Variants in PCDH15 observed in about 807,000 individuals in gnomAD.
PCDH15 encodes the protein protocadherin related 15, also known as protocadherin-15.
PCDH15 carries 129 observed loss-of-function variants against 178.5 expected under a neutral mutation model. The ratio of observed to expected loss-of-function variants is 0.72; its 90% CI spans 0.63 to 0.84. The LOEUF is 0.84. Ranked by LOEUF, PCDH15 falls within the 40% of genes least tolerant of loss-of-function variation. The pLI is 0.00. For missense variants in PCDH15, 2,230 were observed against 2,099.9 expected (o/e 1.06, Z -1.21); for synonymous variants, 800 against 732.0 (o/e 1.09, Z -1.50).
At chr10:54,135,192 G>A (rs2042801910) in intron 14 of PCDH15, among the ~76,000 whole-genome samples, 5 of 139,454 alleles carry the variant, frequency 3.6e-5, no homozygotes, top group Admixed American at 2.8e-4. Flanking sequence ...GACAGGGCGA[G>A]ACTCTGTCTC....
intron 2 of PCDH15, among the ~76,000 whole-genome samples, chr10:55,556,017 C>T (rs1036897754): frequency 2.0e-5 from 3 of 152,118 alleles, no homozygotes; most frequent in African/African-American, 7.2e-5. Flanking sequence ...TTGCATATTT[C>T]AAACTTCTTT....
chr10:55,083,572 G>C (rs1189880800), intron 2 of PCDH15, among the ~76,000 whole-genome samples: 1 of 151,714 alleles, frequency 6.6e-6, no homozygotes, highest in African/African-American at 2.4e-5. Context: ...AGTGTAATCA[G>C]ACAAGAGAAA....
chr10:55,158,877 G>C (rs1250592165), intron 2 of PCDH15, among the ~76,000 whole-genome samples: 1 of 62,912 alleles, frequency 1.6e-5, no homozygotes, highest in Non-Finnish European at 5.4e-5. Flanking sequence ...GGGAGAGAGG[G>C]AGGGAGAAGA....
At chr10:54,466,690 C>T (rs2077541264) in intron 3 of PCDH15, among the ~76,000 whole-genome samples, 1 of 151,662 alleles carries the variant, frequency 6.6e-6, no homozygotes, top group Admixed American at 6.6e-5. Context: ...AAATATTTTT[C>T]TATTTTTGTA....
At chr10:55,373,854 G>GA (rs1320726455) in intron 2 of PCDH15, among the ~76,000 whole-genome samples, 1 of 148,680 alleles carries the variant, frequency 6.7e-6, no homozygotes, top group Non-Finnish European at 1.5e-5. Context: ...CGCAGGAACA[G>GA]AAAAGCAAAC....
intron 9 of PCDH15, among the ~76,000 whole-genome samples, chr10:54,218,100 A>C (rs2052317544): frequency 6.6e-6 from 1 of 152,320 alleles, no homozygotes; most frequent in Admixed American, 6.5e-5. Context: ...AAAATAAGAA[A>C]ACAGAGCATG....
intron 14 of PCDH15, among the ~76,000 whole-genome samples, chr10:54,135,968 A>G (rs898197621): frequency 6.6e-6 from 1 of 152,202 alleles, no homozygotes; most frequent in Non-Finnish European, 1.5e-5. Context: ...AACTTATTTT[A>G]ATAAATTACT....
chr10:54,871,239 A>G (rs1043426958), intron 3 of PCDH15, among the ~76,000 whole-genome samples: 2 of 152,176 alleles, frequency 1.3e-5, no homozygotes, highest in African/African-American at 2.4e-5. Flanking sequence ...TCTGCCTGAC[A>G]ATAAGGAAAA....
intron 29 of PCDH15, among the ~76,000 whole-genome samples, chr10:53,837,755 A>G (rs1406336100): frequency 2.0e-5 from 3 of 151,760 alleles, no homozygotes; most frequent in Non-Finnish European, 4.4e-5. Flanking sequence ...TGGAAAACAC[A>G]CACACACACA....
chr10:55,466,699 A>G lies in PCDH15; in HGVS notation c.-156+160926T>C, dbSNP rs189019735. Among the ~76,000 whole-genome samples the G allele has an allele frequency of 2.0e-3, 304 of 152,308 alleles. 2 individuals are homozygous for G. Among genetic ancestry groups the G allele is most frequent in the African/African-American group, 7.0e-3 (292 of 41,576 alleles). On this transcript the variant is annotated intron_variant, in intron 2 of 5. Coordinates refer to the PCDH15 transcript ENST00000613346. ...TGACTTGAAAATCACTCACATAGAG[A>G]TGACCATGGAAGATACAGGAAGGAA...
chr10:54,731,553 T>TATATATATATATATATATATATAG (rs1566067279), intron 1 of PCDH15, among the ~76,000 whole-genome samples: 7 of 40,360 alleles, frequency 1.7e-4, no homozygotes, highest in Admixed American at 4.6e-4. Flanking sequence ...TAGATATATA[T>TATATATATATATATATATATATAG]ATATATATAT....
intron 2 of PCDH15, among the ~76,000 whole-genome samples, chr10:55,161,233 G>A (rs575384217): frequency 6.6e-6 from 1 of 152,266 alleles, no homozygotes; most frequent in Admixed American, 6.5e-5. Flanking sequence ...CTCCTCTACT[G>A]CTACAAATTT....
At chr10:55,186,265 C>A (rs1839797220) in intron 1 of PCDH15, among the ~76,000 whole-genome samples, 1 of 151,100 alleles carries the variant, frequency 6.6e-6, no homozygotes, top group Non-Finnish European at 1.5e-5. Context: ...TTATTCCACT[C>A]TATGTTTTTT....
At chr10:54,555,457 C>T (rs1483734134) in intron 2 of PCDH15, among the ~76,000 whole-genome samples, 1 of 151,920 alleles carries the variant, frequency 6.6e-6, no homozygotes. Context: ...TTCAGCAGGG[C>T]ACGGTGGCTC....
At chr10:54,225,528 G>C (rs902150184) in intron 9 of PCDH15, among the ~76,000 whole-genome samples, 1 of 151,968 alleles carries the variant, frequency 6.6e-6, no homozygotes, top group Non-Finnish European at 1.5e-5. Context: ...TTTCATACTT[G>C]TACCACGGTG....
intron 28 of PCDH15, among the ~76,000 whole-genome samples, chr10:53,843,560 A>T (rs2077791054): frequency 1.3e-5 from 2 of 151,966 alleles, no homozygotes; most frequent in African/African-American, 4.8e-5. Flanking sequence ...TATGATTTTG[A>T]GTTTACCTTT....
At chr10:54,057,497 T>C (rs532331593) in intron 18 of PCDH15, among the ~76,000 whole-genome samples, 67 of 152,328 alleles carry the variant, frequency 4.4e-4, no homozygotes, top group African/African-American at 1.4e-3. Flanking sequence ...CCTTGGCCCC[T>C]TTTAGCCATG....
At chr10:53,858,701 C>A (rs530057300) in intron 27 of PCDH15, among the ~76,000 whole-genome samples, 18 of 152,182 alleles carry the variant, frequency 1.2e-4, no homozygotes, top group African/African-American at 3.9e-4. Context: ...ACCTTGTACC[C>A]CTAACCCGTC....
At chr10:54,822,175 T>A (rs1564539208) in intron 3 of PCDH15, among the ~76,000 whole-genome samples, 1 of 152,188 alleles carries the variant, frequency 6.6e-6, no homozygotes, top group Non-Finnish European at 1.5e-5. Flanking sequence ...ATCTCAAATC[T>A]TCTCTGCTAG....
Sources: allele counts gnomAD v4.1 joint callset (sites outside exome capture counted in the v4.1 genomes callset), GRCh38; gene constraint gnomAD v4.1.1; transcripts MANE v1.5; gene names NCBI Gene and HGNC (gene_info 2026-07-23, HGNC 2026-07-21).